MDFIC2: variants seen among roughly 807,000 people sequenced by gnomAD.
MDFIC2 encodes the protein MyoD family inhibitor domain containing 2, also known as myoD family inhibitor domain-containing protein 2.
chr3:70,194,548 C>G lies in MDFIC2; in HGVS notation c.*2378G>C, dbSNP rs1701156772. ...GAAATTTCACACTTTGTATAACCGA[C>G]CCTTTCTGTTATAGCACAGTGAATT... On this transcript the variant is annotated 3_prime_UTR_variant, in exon 4 of 4. Transcript: ENST00000567252. 6.6e-6 allele frequency among the ~76,000 whole-genome samples: 1 copy of G among 152,138 alleles called. No homozygotes were observed. Among genetic ancestry groups the G allele is most frequent in the Non-Finnish European group, 1.5e-5 (1 of 68,034 alleles).
chr3:70,267,768 G>T (rs1430909954), intron 2 of MDFIC2, among the ~76,000 whole-genome samples: 1 of 151,830 alleles, frequency 6.6e-6, no homozygotes, highest in Non-Finnish European at 1.5e-5. Flanking sequence ...CAGATAAAGG[G>T]TCTTCACTGG....
chr3:70,218,807 T>G (rs902465689), intron 2 of MDFIC2, among the ~76,000 whole-genome samples: 1 of 152,198 alleles, frequency 6.6e-6, no homozygotes. Context: ...GTGCATTGAC[T>G]GTGCTTGGCG....
intron 2 of MDFIC2, among the ~76,000 whole-genome samples, chr3:70,267,391 T>C (rs34471666): frequency 7.1e-6 from 1 of 140,400 alleles, no homozygotes; most frequent in Non-Finnish European, 1.5e-5. Context: ...TCTTTTTTAA[T>C]AGCTTTTTTT....
chr3:70,235,578 C>T (rs906406916), intron 2 of MDFIC2, among the ~76,000 whole-genome samples: 4 of 152,180 alleles, frequency 2.6e-5, no homozygotes, highest in African/African-American at 4.8e-5. Flanking sequence ...GTCAGGCTCA[C>T]GGCTCTGTCC....
At chr3:70,236,778 T>G (rs1364371651) in intron 2 of MDFIC2, among the ~76,000 whole-genome samples, 1 of 152,122 alleles carries the variant, frequency 6.6e-6, no homozygotes, top group Middle Eastern at 3.2e-3. Flanking sequence ...ACTTTTTTTG[T>G]AGGAATGGGG....
chr3:70,292,410 A>T (rs1009257367), intron 2 of MDFIC2, among the ~76,000 whole-genome samples: 1 of 152,136 alleles, frequency 6.6e-6, no homozygotes, highest in Non-Finnish European at 1.5e-5. Flanking sequence ...AGTAAACTCA[A>T]TTATTGTCAC....
intron 2 of MDFIC2, among the ~76,000 whole-genome samples, chr3:70,245,686 T>TA (rs1701700258): frequency 7.7e-6 from 1 of 130,556 alleles, no homozygotes; most frequent in Non-Finnish European, 1.7e-5. Context: ...TATATATATA[T>TA]ATATATATAT....
intron 2 of MDFIC2, among the ~76,000 whole-genome samples, chr3:70,230,139 C>T (rs146772163): frequency 4.4e-4 from 67 of 152,160 alleles, no homozygotes; most frequent in African/African-American, 1.5e-3. Context: ...ATGGTCAGGC[C>T]GAAATTGAAA....
At chr3:70,235,904 A>G (rs1380404656) in intron 2 of MDFIC2, among the ~76,000 whole-genome samples, 1 of 152,228 alleles carries the variant, frequency 6.6e-6, no homozygotes, top group Admixed American at 6.5e-5. Flanking sequence ...TAGTGGTTCA[A>G]TGGACGTAAG....
chr3:70,243,186 T>C (rs1701677754), intron 2 of MDFIC2, among the ~76,000 whole-genome samples: 1 of 152,182 alleles, frequency 6.6e-6, no homozygotes, highest in South Asian at 2.1e-4. Flanking sequence ...CTCATGAACA[T>C]CTTGTTAAGG....
In MDFIC2 at chr3:70,219,145, C is replaced by T. The variant is rs187732939; in HGVS notation, c.89-12355G>A. Among the ~76,000 whole-genome samples the T allele has an allele frequency of 7.9e-5, 12 of 152,280 alleles. No individual in the cohort carries two copies. The East Asian group carries it at 2.3e-3, about 29-fold the overall frequency. On this transcript the variant is annotated intron_variant, in intron 2 of 3. Transcript: ENST00000567252. ...TCTGCATCACAGTCCTTGAAACAGC[C>T]TCTCCTAGCTTTCTTCTAAAACACC...
intron 2 of MDFIC2, among the ~76,000 whole-genome samples, chr3:70,231,869 G>T (rs1701562935): frequency 6.6e-6 from 1 of 152,192 alleles, no homozygotes; most frequent in Admixed American, 6.5e-5. Context: ...CTGCTGTGAT[G>T]TGTGCATGTG....
In MDFIC2 at chr3:70,263,381, G is replaced by A. The variant is rs1701886218; in HGVS notation, c.88+48505C>T. Among the ~76,000 whole-genome samples, 3 of 152,058 alleles carry A rather than the reference G, an allele frequency of 2.0e-5. 1 individual carries two copies. In the South Asian group the frequency reaches 6.2e-4, roughly 32 times the overall value. ...AATTTTATTTTAAAACTCTTTTAGG[G>A]TAGGTCTATAGGAATAATTACTCTA... On this transcript the variant is annotated intron_variant, in intron 2 of 3. Transcript: ENST00000567252.
chr3:70,303,905 ACTC>A (rs1302319195), intron 2 of MDFIC2, among the ~76,000 whole-genome samples: 2 of 151,684 alleles, frequency 1.3e-5, no homozygotes, highest in East Asian at 3.9e-4. Flanking sequence ...TTGGTCTAAA[ACTC>A]CTGACCTCAA....
chr3:70,227,209 G>A (rs1263329078), intron 2 of MDFIC2, among the ~76,000 whole-genome samples: 1 of 152,122 alleles, frequency 6.6e-6, no homozygotes, highest in African/African-American at 2.4e-5. Context: ...GAATTAGAAA[G>A]GAAATAGACT....
chr3:70,311,555 G>A (rs1331614352), intron 2 of MDFIC2, among the ~76,000 whole-genome samples: 1 of 151,990 alleles, frequency 6.6e-6, no homozygotes. Context: ...AAATTATTTA[G>A]TCTTCTTGGC....
At position 70,206,543 on chromosome 3, in the gene MDFIC2, G is replaced by C. The variant is rs76047218; in HGVS notation, c.310+26C>G. The C allele has an allele frequency of 4.4e-3, 1,760 of 397,444 alleles. 21 individuals are homozygous for C. The highest frequency in any genetic ancestry group is 0.032 in the African/African-American group (1,568 of 48,638). The allele number at this position is 397,444 out of a possible 1,614,324, so 24.6% of individuals were successfully genotyped here. ...ATGGGGGTTGGGAGCTTTATTTAGAGATGGGTTGAATTCTGAGAAACATAC... is the reference window on the plus strand; with the variant it reads ...ATGGGGGTTGGGAGCTTTATTTAGACATGGGTTGAATTCTGAGAAACATAC... On this transcript the variant is annotated intron_variant, in intron 3 of 3. Transcript: ENST00000567252.
chr3:70,227,206 A>T lies in MDFIC2; in HGVS notation c.89-20416T>A, dbSNP rs558801721. On this transcript the variant is annotated intron_variant, in intron 2 of 3. Coordinates refer to ENST00000567252, the MANE Select transcript of MDFIC2 (RefSeq NM_001364677.1). ...AATGCCATGATGGAGGATGAATTAG[A>T]AAGGAAATAGACTGGATTATAGTTG... 4.6e-5 allele frequency among the ~76,000 whole-genome samples: 7 copies of T among 152,316 alleles called. No individual in the cohort carries two copies. The South Asian group carries it at 8.3e-4, about 18-fold the overall frequency.
chr3:70,233,170 C>A (rs1243607139), intron 2 of MDFIC2, among the ~76,000 whole-genome samples: 1 of 152,190 alleles, frequency 6.6e-6, no homozygotes, highest in East Asian at 1.9e-4. Flanking sequence ...GCCTGGGCAA[C>A]AGAGTCTCAG....
Sources: gnomAD v4.1 joint callset for allele counts (sites outside exome capture counted in the v4.1 genomes callset) on GRCh38, gnomAD v4.1.1 for gene constraint, MANE v1.5 for transcripts, NCBI Gene and HGNC (gene_info 2026-07-23, HGNC 2026-07-21) for gene names.